Variants in PRKG1 observed in about 807,000 individuals in gnomAD.
PRKG1 encodes the protein protein kinase cGMP-dependent 1, also known as cGMP-dependent protein kinase 1.
A neutral mutation model predicts 88.1 loss-of-function variants in PRKG1; 35 were observed. That is an observed-to-expected ratio of 0.40 (90% CI 0.30 to 0.53). PRKG1 has a LOEUF of 0.53. Ranked by LOEUF, PRKG1 falls within the 20% of genes least tolerant of loss-of-function variation. The pLI, the probability that PRKG1 is intolerant of heterozygous loss-of-function variation, is 0.59. For synonymous variants in PRKG1, 303 were observed against 292.5 expected, an observed-to-expected ratio of 1.04 and a Z score of -0.37; for missense variants, 540 against 839.8, an observed-to-expected ratio of 0.64 and a Z score of 4.41.
At chr10:51,851,179 G>A (rs75785833) in intron 4 of PRKG1, among the ~76,000 whole-genome samples, 4,051 of 152,176 alleles carry the variant, frequency 0.027, 70 homozygotes, top group Middle Eastern at 0.054. Context: ...TGAATAAGAG[G>A]AGAAATTAAC....
At chr10:52,265,448 T>C (rs573011860) in intron 10 of PRKG1, among the ~76,000 whole-genome samples, 1 of 152,206 alleles carries the variant, frequency 6.6e-6, no homozygotes, top group African/African-American at 2.4e-5. Context: ...ATTAAGATAT[T>C]GACAGTGCAA....
intron 9 of PRKG1, among the ~76,000 whole-genome samples, chr10:52,229,199 C>T (rs1329255933): frequency 1.3e-5 from 2 of 152,104 alleles, no homozygotes; most frequent in Non-Finnish European, 2.9e-5. Context: ...ATAAACATTA[C>T]TCAAAGGGGT....
At chr10:51,186,294 A>T (rs1837485407) in intron 2 of PRKG1, among the ~76,000 whole-genome samples, 1 of 150,104 alleles carries the variant, frequency 6.7e-6, no homozygotes, top group African/African-American at 2.4e-5. Flanking sequence ...TTTCTCATTT[A>T]ATCTGTTTCT....
intron 1 of PRKG1, among the ~76,000 whole-genome samples, chr10:51,011,723 G>A (rs192995964): frequency 1.2e-4 from 19 of 152,326 alleles, no homozygotes; most frequent in African/African-American, 4.6e-4. Context: ...AATGGAAAAT[G>A]TGCCATTCTT....
intron 2 of PRKG1, among the ~76,000 whole-genome samples, chr10:51,315,171 C>G (rs760175828): frequency 1.6e-4 from 24 of 152,042 alleles, no homozygotes; most frequent in Non-Finnish European, 2.5e-4. Context: ...ATCAAAAAAA[C>G]TGATTGATTT....
chr10:51,621,167 A>T (rs1839202302), intron 3 of PRKG1, among the ~76,000 whole-genome samples: 1 of 151,564 alleles, frequency 6.6e-6, no homozygotes, highest in Admixed American at 6.6e-5. Context: ...AAGCCTTTTG[A>T]TGCTTCATTA....
intron 2 of PRKG1, among the ~76,000 whole-genome samples, chr10:51,420,483 T>C (rs1194067325): frequency 6.6e-6 from 1 of 152,010 alleles, no homozygotes; most frequent in African/African-American, 2.4e-5. Flanking sequence ...TCACCTGGGG[T>C]GCTTTGAAAA....
At chr10:51,709,079 T>C (rs1841679732) in intron 3 of PRKG1, among the ~76,000 whole-genome samples, 1 of 152,252 alleles carries the variant, frequency 6.6e-6, no homozygotes, top group Admixed American at 6.5e-5. Context: ...CTCTAAATCA[T>C]TCTCTCAATC....
intron 1 of PRKG1, among the ~76,000 whole-genome samples, chr10:51,007,130 G>A (rs111638956): frequency 6.6e-6 from 1 of 151,652 alleles, no homozygotes. Flanking sequence ...GTAGAGATGT[G>A]GGGGGTGGGT....
intron 2 of PRKG1, among the ~76,000 whole-genome samples, chr10:51,321,257 T>A (rs896254935): frequency 2.0e-5 from 3 of 152,106 alleles, no homozygotes; most frequent in African/African-American, 7.2e-5. Context: ...CCTCCAAGAC[T>A]CAGTTAGCTC....
chr10:51,122,505 C>T (rs963754374), intron 1 of PRKG1, among the ~76,000 whole-genome samples: 6 of 152,084 alleles, frequency 3.9e-5, no homozygotes, highest in Non-Finnish European at 8.8e-5. Context: ...TGGGTATATA[C>T]GTGTGATTAA....
intron 1 of PRKG1, among the ~76,000 whole-genome samples, chr10:51,106,729 G>T (rs1284724222): frequency 6.6e-6 from 1 of 152,112 alleles, no homozygotes; most frequent in East Asian, 1.9e-4. Flanking sequence ...ATTAAGTTGT[G>T]GTTTGAATAT....
At chr10:51,057,550 C>A (rs1843641609) in intron 1 of PRKG1, among the ~76,000 whole-genome samples, 1 of 152,170 alleles carries the variant, frequency 6.6e-6, no homozygotes, top group African/African-American at 2.4e-5. Flanking sequence ...TTCCTCATGC[C>A]ATTTCCCAAT....
chr10:51,738,251 T>C (rs530627244), intron 3 of PRKG1, among the ~76,000 whole-genome samples: 2 of 152,262 alleles, frequency 1.3e-5, no homozygotes, highest in East Asian at 1.9e-4. Context: ...CAGATAGATA[T>C]TACCTAGAGT....
At position 52,248,906 on chromosome 10, in the gene PRKG1, T is replaced by TTC. The variant is rs74607698; in HGVS notation, c.1077-2663_1077-2662insCT. 2.0e-5 allele frequency among the ~76,000 whole-genome samples: 3 copies of TTC among 147,286 alleles called. 1 individual carries two copies. Among genetic ancestry groups the TTC allele is most frequent in the Admixed American group, 6.8e-5 (1 of 14,684 alleles). ...CTTCTTTTCCTTCCTTTCCTTTCTC[T>TTC]TTTCTTTCCTTTCTTTTCTTTTCCT... On this transcript the variant is annotated intron_variant, in intron 9 of 17. Coordinates refer to ENST00000373980, the MANE Select transcript of PRKG1 (RefSeq NM_006258.4).
chr10:52,135,707 A>G (rs1837393930), intron 8 of PRKG1, among the ~76,000 whole-genome samples: 1 of 152,130 alleles, frequency 6.6e-6, no homozygotes, highest in Non-Finnish European at 1.5e-5. Flanking sequence ...CATTCTACTA[A>G]GAATGTAATG....
At chr10:52,056,519 A>G (rs1219133528) in intron 6 of PRKG1, among the ~76,000 whole-genome samples, 3 of 152,140 alleles carry the variant, frequency 2.0e-5, no homozygotes, top group Admixed American at 6.5e-5. Flanking sequence ...CGAGTTTCAT[A>G]GTAAGTATAA....
At chr10:51,625,208 T>C (rs919998626) in intron 3 of PRKG1, among the ~76,000 whole-genome samples, 1 of 152,160 alleles carries the variant, frequency 6.6e-6, no homozygotes, top group Admixed American at 6.5e-5. Flanking sequence ...CCAGGCATGG[T>C]GGCTTATGCC....
chr10:51,489,178 C>T (rs529257745), intron 3 of PRKG1, among the ~76,000 whole-genome samples: 2 of 152,196 alleles, frequency 1.3e-5, no homozygotes, highest in Admixed American at 1.3e-4. Flanking sequence ...GTAAATAACA[C>T]AGCAATTACA....
Sources: gnomAD v4.1 joint callset for allele counts (sites outside exome capture counted in the v4.1 genomes callset) on GRCh38, gnomAD v4.1.1 for gene constraint, MANE v1.5 for transcripts, NCBI Gene and HGNC (gene_info 2026-07-23, HGNC 2026-07-21) for gene names.